The following LUZP2 variants were observed in gnomAD, a reference collection of about 807,000 sequenced individuals.
LUZP2 encodes the protein leucine zipper protein 2.
Under a neutral mutation model 51.6 loss-of-function variants are expected in LUZP2, and 52 were observed. That is an observed-to-expected ratio of 1.01 (90% CI 0.81 to 1.27). The LOEUF is 1.27. Ranked by LOEUF, LUZP2 falls within the 50% of genes most tolerant of loss-of-function variation. LUZP2 has a pLI of 0.00. For missense variants in LUZP2, 436 were observed against 395.4 expected (o/e 1.10, Z -0.87); for synonymous variants, 154 against 137.3 (o/e 1.12, Z -0.85).
At chr11:24,862,746 T>A (rs553694444) in intron 5 of LUZP2, among the ~76,000 whole-genome samples, 3 of 152,292 alleles carry the variant, frequency 2.0e-5, no homozygotes, top group Non-Finnish European at 2.9e-5. Context: ...AATCATTTTA[T>A]CTTTAAAGGA....
chr11:24,737,763 G>A (rs1323658727), intron 3 of LUZP2, among the ~76,000 whole-genome samples: 1 of 151,990 alleles, frequency 6.6e-6, no homozygotes, highest in Non-Finnish European at 1.5e-5. Flanking sequence ...GCCTTACAAA[G>A]GATGTATAAA....
chr11:24,910,749 G>A (rs1853604161), intron 6 of LUZP2, among the ~76,000 whole-genome samples: 2 of 144,948 alleles, frequency 1.4e-5, no homozygotes, highest in African/African-American at 2.6e-5. Flanking sequence ...GTGCAGAAGG[G>A]AAATGTGGGT....
At chr11:24,984,477 A>G (rs1241627503) in intron 9 of LUZP2, among the ~76,000 whole-genome samples, 1 of 133,138 alleles carries the variant, frequency 7.5e-6, no homozygotes, top group Non-Finnish European at 1.6e-5. Flanking sequence ...CAATGTATTC[A>G]ACTATATTAT....
At chr11:24,820,910 A>G (rs1850339250) in intron 5 of LUZP2, among the ~76,000 whole-genome samples, 1 of 152,148 alleles carries the variant, frequency 6.6e-6, no homozygotes, top group African/African-American at 2.4e-5. Context: ...TTCAACAGTC[A>G]GTGGTGACAT....
chr11:24,846,938 C>CAT (rs745443428), intron 5 of LUZP2, among the ~76,000 whole-genome samples: 1 of 150,692 alleles, frequency 6.6e-6, no homozygotes, highest in East Asian at 1.9e-4. Flanking sequence ...TGTATACATA[C>CAT]ATATATACAC....
At chr11:25,042,255 T>C (rs1858090882) in intron 9 of LUZP2, among the ~76,000 whole-genome samples, 2 of 41,762 alleles carry the variant, frequency 4.8e-5, no homozygotes, top group Non-Finnish European at 1.2e-4. Context: ...ACTAATATAT[T>C]TCATTTATTC....
chr11:24,861,930 C>T (rs11028235), intron 5 of LUZP2, among the ~76,000 whole-genome samples: 30 of 152,152 alleles, frequency 2.0e-4, no homozygotes, highest in Non-Finnish European at 4.0e-4. Context: ...ATAAATTCCC[C>T]TACACTTCCT....
intron 1 of LUZP2, among the ~76,000 whole-genome samples, chr11:24,680,586 C>A (rs757225780): frequency 6.6e-6 from 1 of 152,122 alleles, no homozygotes. Flanking sequence ...TTTCTGTCTG[C>A]AGAATTGATG....
Position 24,876,789 on chromosome 11 carries a change from A to G in LUZP2, c.397-29202A>G, listed in dbSNP as rs577639703. Among the ~76,000 whole-genome samples the G allele has an allele frequency of 6.3e-3, 961 of 152,108 alleles. 7 individuals are homozygous for G. The highest frequency in any genetic ancestry group is 0.022 in the African/African-American group (902 of 41,466). On this transcript the variant is annotated intron_variant, in intron 5 of 11. Transcript: ENST00000336930. ...TTTATTTCATTGAGAAGTGGTTTGTAGTTCTCCTTGAAGTACACTCCTCTT... is the reference window on the plus strand; with the variant it reads ...TTTATTTCATTGAGAAGTGGTTTGTGGTTCTCCTTGAAGTACACTCCTCTT...
chr11:25,072,828 A>G (rs1305084423), intron 10 of LUZP2, among the ~76,000 whole-genome samples: 1 of 150,166 alleles, frequency 6.7e-6, no homozygotes, highest in Non-Finnish European at 1.5e-5. Context: ...TTAAATATAT[A>G]AACACAATTT....
chr11:24,944,984 T>G (rs915134744), intron 7 of LUZP2, among the ~76,000 whole-genome samples: 1 of 152,192 alleles, frequency 6.6e-6, no homozygotes, highest in African/African-American at 2.4e-5. Context: ...GTTTTGAGTT[T>G]GAAGACACTG....
chr11:24,629,505 A>G (rs912714940), intron 1 of LUZP2, among the ~76,000 whole-genome samples: 2 of 146,472 alleles, frequency 1.4e-5, no homozygotes, highest in African/African-American at 5.0e-5. Flanking sequence ...TATATATTAC[A>G]TATATATTAT....
intron 1 of LUZP2, among the ~76,000 whole-genome samples, chr11:24,624,325 A>AT (rs965371532): frequency 5.4e-4 from 82 of 151,340 alleles, no homozygotes; most frequent in African/African-American, 1.0e-3. Flanking sequence ...AATAATAATG[A>AT]TTTTTTTTTG....
At chr11:24,718,592 C>A (rs1299866951) in intron 1 of LUZP2, among the ~76,000 whole-genome samples, 2 of 152,098 alleles carry the variant, frequency 1.3e-5, no homozygotes, top group Admixed American at 6.5e-5. Context: ...TTTCTGGAAG[C>A]ACAGGGCTCA....
intron 1 of LUZP2, among the ~76,000 whole-genome samples, chr11:24,552,666 A>C (rs1851755571): frequency 6.6e-6 from 1 of 152,098 alleles, no homozygotes; most frequent in Non-Finnish European, 1.5e-5. Flanking sequence ...CAGCGAACAT[A>C]AAATGCAATA....
At chr11:24,961,199 G>A (rs1306333062) in intron 7 of LUZP2, among the ~76,000 whole-genome samples, 1 of 152,116 alleles carries the variant, frequency 6.6e-6, no homozygotes, top group Non-Finnish European at 1.5e-5. Flanking sequence ...GGTGTGGTGT[G>A]GTGCTGAAAA....
intron 7 of LUZP2, among the ~76,000 whole-genome samples, chr11:24,930,384 G>T (rs987872559): frequency 2.6e-5 from 4 of 152,076 alleles, no homozygotes; most frequent in Non-Finnish European, 5.9e-5. Context: ...TTGTTTCAAG[G>T]TTTGGAGCTT....
intron 5 of LUZP2, among the ~76,000 whole-genome samples, chr11:24,781,210 A>G (rs1382393119): frequency 2.0e-5 from 3 of 152,112 alleles, no homozygotes; most frequent in Non-Finnish European, 4.4e-5. Context: ...GGTTTGTTAC[A>G]TAGGTATACA....
At chr11:24,749,342 C>T (rs1448347053) in intron 4 of LUZP2, among the ~76,000 whole-genome samples, 4 of 152,176 alleles carry the variant, frequency 2.6e-5, no homozygotes, top group Non-Finnish European at 5.9e-5. Flanking sequence ...TGTTTTCCCA[C>T]TAGGAGCCTC....
Sources: gnomAD v4.1 joint callset for allele counts (sites outside exome capture counted in the v4.1 genomes callset) on GRCh38, gnomAD v4.1.1 for gene constraint, MANE v1.5 for transcripts, NCBI Gene and HGNC (gene_info 2026-07-23, HGNC 2026-07-21) for gene names.